Variants in FRMD3 observed in about 807,000 individuals in gnomAD.
The protein encoded by FRMD3 is FERM domain-containing protein 3.
A neutral mutation model predicts 70.2 loss-of-function variants in FRMD3; 33 were observed. The observed-to-expected ratio is 0.47, with a 90% CI of 0.36 to 0.63. The LOEUF is 0.63. Ranked by LOEUF, FRMD3 falls within the 20% of genes least tolerant of loss-of-function variation. FRMD3 has a pLI of 0.00. For missense variants in FRMD3, 632 were observed against 711.4 expected, an observed-to-expected ratio of 0.89 and a Z score of 1.27; for synonymous variants, 279 against 255.9, an observed-to-expected ratio of 1.09 and a Z score of -0.86.
the FRMD3 span, among the ~76,000 whole-genome samples, chr9:83,564,870 G>A: frequency 1.3e-5 from 2 of 152,248 alleles, no homozygotes; most frequent in South Asian, 2.1e-4. Context: ...AACCCCAGGA[G>A]GCCATAAGAT....
chr9:83,552,344 G>A, the FRMD3 span, among the ~76,000 whole-genome samples: 2 of 152,132 alleles, frequency 1.3e-5, no homozygotes, highest in East Asian at 3.9e-4. Flanking sequence ...AGTGTGTTTG[G>A]TATAATTTTG....
At position 83,247,920 on chromosome 9, in the gene FRMD3, A is replaced by G; in HGVS notation, c.1792T>C (p.Ter598ArgextTer2). 6.2e-7 allele frequency: 1 copy of G among 1,613,138 alleles called. No homozygotes were observed. The highest frequency in any genetic ancestry group is 8.5e-7 in the Non-Finnish European group (1 of 1,179,220). The change falls in exon 14 of 14, where the codon TGA becomes CGA. Residue 598 changes from the stop codon to arginine (R), a stop_lost. Coordinates refer to ENST00000304195, the MANE Select transcript of FRMD3 (RefSeq NM_174938.6). ...HLILYMLGCS[*>R] Reference sequence around the variant, plus strand: ...CTTAGTCACGTGAGAGATTAACTTCATGAGCAACCCAGCATGTAGAGGATG... The same window carrying G: ...CTTAGTCACGTGAGAGATTAACTTCGTGAGCAACCCAGCATGTAGAGGATG...
At chr9:83,540,974 A>T (rs899469385), upstream of FRMD3, among the ~76,000 whole-genome samples, 6 of 152,166 alleles carry the variant, frequency 3.9e-5, no homozygotes, top group African/African-American at 1.4e-4. Flanking sequence ...ATAGGACTAT[A>T]AAAGAAAACT....
At chr9:83,327,563 C>A (rs1283946541) in intron 6 of FRMD3, among the ~76,000 whole-genome samples, 2 of 152,200 alleles carry the variant, frequency 1.3e-5, no homozygotes, top group African/African-American at 2.4e-5. Context: ...GGCTGAAGGT[C>A]TGGAGTGCCT....
intron 13 of FRMD3, among the ~76,000 whole-genome samples, chr9:83,271,061 T>G (rs1036003658): frequency 6.6e-6 from 1 of 152,198 alleles, no homozygotes; most frequent in Non-Finnish European, 1.5e-5. Context: ...CAATTTTCTA[T>G]CTGCAAAATG....
In FRMD3 at chr9:83,245,211, A is replaced by G. The variant is rs1412024487; in HGVS notation, c.*2707T>C. 1.0e-6 allele frequency: 1 copy of G among 983,888 alleles called. No homozygotes were observed. The highest frequency in any genetic ancestry group is 4.7e-5 in the South Asian group (1 of 21,262). The allele number at this position is 983,888 out of a possible 1,614,324, so 60.9% of individuals were successfully genotyped here. A position where few individuals can be genotyped will look rare whatever the true frequency, so the allele number is the denominator to read the frequency against. The stretch of plus-strand genomic sequence containing the variant: ...TATACAGATTCATATATAAACACAC[A>G]TATACCAATAATATGGAATATACAT... On this transcript the variant is annotated 3_prime_UTR_variant, in exon 14 of 14. Coordinates refer to ENST00000304195, the MANE Select transcript of FRMD3 (RefSeq NM_174938.6).
At chr9:83,466,103 G>C (rs59128702) in intron 1 of FRMD3, among the ~76,000 whole-genome samples, 27 of 152,248 alleles carry the variant, frequency 1.8e-4, no homozygotes, top group African/African-American at 6.3e-4. Flanking sequence ...CCAGTCCAAG[G>C]GGAGAACAAA....
chr9:83,425,937 C>T lies in FRMD3; in HGVS notation c.148-36229G>A, dbSNP rs1416754066. On this transcript the variant is annotated intron_variant, in intron 1 of 13. Transcript: ENST00000304195. ...AAAAAAAAAAAAAAAAACAACCTTC[C>T]TGGCCCTTGCGTGGAGAACAGGGCT... is the stretch of plus-strand genomic sequence containing the variant. 2.0e-5 allele frequency among the ~76,000 whole-genome samples: 3 copies of T among 149,822 alleles called. 1 individual carries two copies. In the East Asian group the frequency reaches 5.9e-4, roughly 29 times the overall value.
At chr9:83,528,899 A>G (rs1347842734) in intron 1 of FRMD3, among the ~76,000 whole-genome samples, 1 of 152,212 alleles carries the variant, frequency 6.6e-6, no homozygotes, top group Non-Finnish European at 1.5e-5. Context: ...TATATTATAT[A>G]TAGACAGAAT....
Position 83,366,670 on chromosome 9 carries a change from C to T in FRMD3, c.295+6243G>A, listed in dbSNP as rs149429756. Among the ~76,000 whole-genome samples, 109 of 152,298 alleles carry T rather than the reference C, an allele frequency of 7.2e-4. 1 individual carries two copies. In the East Asian group the frequency reaches 0.02, roughly 28 times the overall value. ...CTCAAAGAAAGAAGAAAATCACAAG[C>T]AAGTTGAATTCAGTCATAGGAAAAT... On this transcript the variant is annotated intron_variant, in intron 3 of 13. Coordinates refer to ENST00000304195, the MANE Select transcript of FRMD3 (RefSeq NM_174938.6).
At chr9:83,293,773 T>C (rs570352544) in intron 12 of FRMD3, among the ~76,000 whole-genome samples, 3 of 152,320 alleles carry the variant, frequency 2.0e-5, no homozygotes, top group African/African-American at 4.8e-5. Flanking sequence ...CAGGGGCATA[T>C]AGGACGTGCC....
chr9:83,581,273 T>C, the FRMD3 span, among the ~76,000 whole-genome samples: 16 of 152,046 alleles, frequency 1.1e-4, no homozygotes, highest in African/African-American at 3.9e-4. Flanking sequence ...TACAACTCAA[T>C]AATAAAAGGG....
In FRMD3 at chr9:83,495,503, C is replaced by T. The variant is rs115614734; in HGVS notation, c.147+42582G>A. ...AGGTCAAGGGAGGGTGTTAGAATAA[C>T]GGCAAATACAAGAAAATAGAAAGGG... On this transcript the variant is annotated intron_variant, in intron 1 of 13. Coordinates refer to ENST00000304195, the MANE Select transcript of FRMD3 (RefSeq NM_174938.6). Among the ~76,000 whole-genome samples, 1,030 of 152,230 alleles carry T rather than the reference C, an allele frequency of 6.8e-3. 11 individuals carry two copies. The highest frequency in any genetic ancestry group is 0.023 in the African/African-American group (966 of 41,540).
At chr9:83,571,777 T>C in the FRMD3 span, among the ~76,000 whole-genome samples, 2 of 152,208 alleles carry the variant, frequency 1.3e-5, no homozygotes, top group African/African-American at 4.8e-5. Flanking sequence ...CCAATGAAGA[T>C]CATTCTTGAC....
At chr9:83,260,453 A>G (rs557535989) in intron 13 of FRMD3, among the ~76,000 whole-genome samples, 8 of 152,180 alleles carry the variant, frequency 5.3e-5, no homozygotes, top group Non-Finnish European at 7.4e-5. Context: ...TACTGGCCCC[A>G]TTTCATCTGC....
At chr9:83,547,276 G>C in the FRMD3 span, among the ~76,000 whole-genome samples, 1 of 147,714 alleles carries the variant, frequency 6.8e-6, no homozygotes, top group South Asian at 2.1e-4. Flanking sequence ...GACCTTCTTT[G>C]TCATTATATA....
the FRMD3 span, among the ~76,000 whole-genome samples, chr9:83,552,455 T>C: frequency 1.3e-5 from 2 of 152,198 alleles, no homozygotes; most frequent in Non-Finnish European, 2.9e-5. Context: ...TCTGTTGTTT[T>C]GGGGTGAAGA....
chr9:83,394,475 G>T (rs1825758219), intron 1 of FRMD3, among the ~76,000 whole-genome samples: 1 of 152,138 alleles, frequency 6.6e-6, no homozygotes, highest in Admixed American at 6.6e-5. Context: ...TCTACATAAT[G>T]CAGTCTTTAA....
intron 1 of FRMD3, among the ~76,000 whole-genome samples, chr9:83,444,820 C>A (rs563459448): frequency 6.6e-6 from 1 of 152,166 alleles, no homozygotes; most frequent in African/African-American, 2.4e-5. Context: ...TTGTCTTCCA[C>A]GGGAACTGAT....
Sources: allele counts gnomAD v4.1 joint callset (sites outside exome capture counted in the v4.1 genomes callset), GRCh38; gene constraint gnomAD v4.1.1; transcripts MANE v1.5; gene names NCBI Gene and HGNC (gene_info 2026-07-23, HGNC 2026-07-21).